The following PCDHA10 variants were observed in gnomAD, a reference collection of about 807,000 sequenced individuals.
PCDHA10 encodes protocadherin alpha-10.
PCDHA10 carries 45 observed loss-of-function variants against 61.2 expected under a neutral mutation model. The ratio of observed to expected loss-of-function variants is 0.74; its 90% CI spans 0.58 to 0.94. PCDHA10 has a LOEUF of 0.94. PCDHA10 is among the 40% of genes least tolerant of loss of function. The probability of loss-of-function intolerance (pLI) is 0.00; values close to 1 mark genes in which losing one functional copy is unlikely to be tolerated. For synonymous variants in PCDHA10, 602 were observed against 548.8 expected, an observed-to-expected ratio of 1.10 and a Z score of -1.35; for missense variants, 1,278 against 1,236.2, an observed-to-expected ratio of 1.03 and a Z score of -0.51.
At chr5:141,009,345 G>C (rs1409011729) in intron 3 of PCDHA10, among the ~76,000 whole-genome samples, 1 of 152,164 alleles carries the variant, frequency 6.6e-6, no homozygotes, top group African/African-American at 2.4e-5. Context: ...TGTAGTTCCA[G>C]CTACTTGGGA....
At chr5:140,993,310 A>G (rs1013688133) in intron 3 of PCDHA10, among the ~76,000 whole-genome samples, 2 of 152,038 alleles carry the variant, frequency 1.3e-5, no homozygotes, top group African/African-American at 4.8e-5. Context: ...CTCCAGGATA[A>G]TACCTTCTAA....
At chr5:140,954,844 C>T (rs1195160424) in intron 1 of PCDHA10, among the ~76,000 whole-genome samples, 1 of 152,070 alleles carries the variant, frequency 6.6e-6, no homozygotes, top group African/African-American at 2.4e-5. Flanking sequence ...GAAATCTTTG[C>T]CTGTGCCTAT....
chr5:140,869,757 A>G, intron 1 of PCDHA10: 3 of 1,613,264 alleles, frequency 1.9e-6, no homozygotes, highest in Non-Finnish European at 2.5e-6. Flanking sequence ...CAGACGGGGG[A>G]AAACCAGAGC....
chr5:140,941,227 C>CTT (rs797022976), intron 1 of PCDHA10, among the ~76,000 whole-genome samples: 1 of 136,000 alleles, frequency 7.4e-6, no homozygotes, highest in African/African-American at 2.8e-5. Context: ...TTCTTTCTTT[C>CTT]TTTCTTTCTT....
At chr5:140,871,209 C>T (rs955703694) in intron 1 of PCDHA10, 19 of 1,613,704 alleles carry the variant, frequency 1.2e-5, no homozygotes, top group East Asian at 4.5e-5. Flanking sequence ...TGATCATCGC[C>T]ATCTGCGTGG....
At chr5:140,870,544 G>A in intron 1 of PCDHA10, 1 of 1,614,124 alleles carries the variant, frequency 6.2e-7, no homozygotes, top group South Asian at 1.1e-5. Context: ...GGCGCGGGAC[G>A]CGGACGCGCA....
chr5:140,872,850 G>A (rs1439631581), intron 1 of PCDHA10, among the ~76,000 whole-genome samples: 2 of 152,084 alleles, frequency 1.3e-5, no homozygotes, highest in East Asian at 3.8e-4. Context: ...ATATATTAAT[G>A]TGAGTACCTA....
At chr5:140,888,613 A>C (rs782529480) in intron 1 of PCDHA10, among the ~76,000 whole-genome samples, 4 of 152,184 alleles carry the variant, frequency 2.6e-5, no homozygotes, top group Non-Finnish European at 5.9e-5. Flanking sequence ...TTAGTGTAGC[A>C]CTAATTCGGC....
intron 1 of PCDHA10, chr5:140,871,254 T>C (rs2052877149): frequency 6.8e-6 from 11 of 1,613,826 alleles, no homozygotes; most frequent in Admixed American, 1.7e-5. Context: ...TGCTGCTGTA[T>C]ACGGCGCTGT....
chr5:140,968,629 T>C, intron 1 of PCDHA10: 1 of 1,614,174 alleles, frequency 6.2e-7, no homozygotes, highest in Non-Finnish European at 8.5e-7. Context: ...CTTGGCTTTT[T>C]TACCATCTAG....
intron 1 of PCDHA10, chr5:140,876,661 C>T: frequency 1.2e-6 from 2 of 1,614,212 alleles, no homozygotes; most frequent in Non-Finnish European, 1.7e-6. Context: ...TCCCTTCAAG[C>T]TGGTGTCCAC....
At chr5:140,893,768 CT>C (rs1171880038) in intron 1 of PCDHA10, among the ~76,000 whole-genome samples, 1 of 152,132 alleles carries the variant, frequency 6.6e-6, no homozygotes, top group Non-Finnish European at 1.5e-5. Flanking sequence ...TGACTTGTCA[CT>C]TTTCTTTTAC....
chr5:140,966,740 C>CGGCT (rs2096047340), intron 1 of PCDHA10: 1 of 1,422,580 alleles, frequency 7.0e-7, no homozygotes, highest in African/African-American at 1.5e-5. Flanking sequence ...CGGCCCTGCC[C>CGGCT]GGCTGCCTCC....
At position 140,923,318 on chromosome 5, in the gene PCDHA10, A is replaced by G. The variant is rs189105018; in HGVS notation, c.2389-55631A>G. Among the ~76,000 whole-genome samples the G allele has an allele frequency of 8.1e-3, 1,226 of 152,276 alleles. 6 individuals are homozygous for G. The highest frequency in any genetic ancestry group is 0.019 in the African/African-American group (794 of 41,558). On this transcript the variant is annotated intron_variant, in intron 1 of 3. Transcript: ENST00000307360. ...CTGGGCGTGGGGGCGCTTGGCCTAG[A>G]AGTTCAAGGACAGTTTGGGCAACAT...
rs60032403 is a variant in PCDHA10 at position 140,941,214 on chromosome 5, C to CCTTT, written c.2389-37696_2389-37693dup. Among the ~76,000 whole-genome samples, 254 of 122,478 alleles carry CCTTT rather than the reference C, an allele frequency of 2.1e-3. 3 individuals carry two copies. The highest frequency in any genetic ancestry group is 3.1e-3 in the Non-Finnish European group (180 of 58,666). 80.4% of individuals were successfully genotyped at this position (122,478 alleles called of 152,430 possible). Reference sequence around the variant, plus strand: ...TTTTTTCTTTCTTCCTTTCTTTCTTCCTTTCTTTCTTTCTTTCTTTCTTTC... The same window carrying CCTTT: ...TTTTTTCTTTCTTCCTTTCTTTCTTCCTTTCTTTCTTTCTTTCTTTCTTTCTTTC... On this transcript the variant is annotated intron_variant, in intron 1 of 3. Coordinates refer to ENST00000307360, the MANE Select transcript of PCDHA10 (RefSeq NM_018901.4).
At chr5:140,870,388 G>A (rs1487402100) in intron 1 of PCDHA10, 5 of 1,614,232 alleles carry the variant, frequency 3.1e-6, no homozygotes, top group Non-Finnish European at 4.2e-6. Context: ...TGCGCGGGAT[G>A]GGGGTTCGCC....
rs369328632 is a variant in PCDHA10, at chr5:140,856,073, G to A, written c.25G>A (p.Gly9Arg). Residue 9 changes from glycine (G) to arginine (R), a missense_variant, in exon 1 of 4, where the codon GGG becomes AGG. By Grantham distance (125) the Gly-to-Arg change is moderately radical. Transcript: ENST00000307360. MVSRCSCL[G>R]VQCLLLSLLL... ...GATGGTTTCCAGATGTAGCTGCCTG[G>A]GGGTCCAGTGTCTGCTGCTCTCGCT... The A allele has an allele frequency of 1.9e-6, 3 of 1,592,028 alleles. 1 individual carries two copies. Among genetic ancestry groups the A allele is most frequent in the Non-Finnish European group, 2.6e-6 (3 of 1,163,816 alleles).
At position 140,871,935 on chromosome 5, in the gene PCDHA10, T is replaced by C. The variant is rs373740331; in HGVS notation, c.2388+13499T>C. The stretch of plus-strand genomic sequence containing the variant: ...GATATTTCCACATTGTTAGATCAAC[T>C]GGCTTTGTTTTTCTAAAGGGAGGAG... On this transcript the variant is annotated intron_variant, in intron 1 of 3. Coordinates refer to ENST00000307360, the MANE Select transcript of PCDHA10 (RefSeq NM_018901.4). Among the ~76,000 whole-genome samples, 4 of 152,380 alleles carry C rather than the reference T, an allele frequency of 2.6e-5. No individual in the cohort carries two copies. The East Asian group carries it at 7.7e-4, about 29-fold the overall frequency.
Position 140,982,836 on chromosome 5 carries a change from T to C in PCDHA10, c.2536+273T>C, listed in dbSNP as rs2097010696. 2.6e-5 allele frequency among the ~76,000 whole-genome samples: 4 copies of C among 152,244 alleles called. No individual in the cohort carries two copies. The South Asian group carries it at 8.3e-4, about 32-fold the overall frequency. ...ATGAAGTTTTTGGGGTTTGTTTGTT[T>C]GTTTAAATCAGGTACCTTTCAAATG... On this transcript the variant is annotated intron_variant, in intron 3 of 3. Coordinates refer to ENST00000307360, the MANE Select transcript of PCDHA10 (RefSeq NM_018901.4).
Sources: gnomAD v4.1 joint callset for allele counts (sites outside exome capture counted in the v4.1 genomes callset) on GRCh38, gnomAD v4.1.1 for gene constraint, MANE v1.5 for transcripts, NCBI Gene and HGNC (gene_info 2026-07-23, HGNC 2026-07-21) for gene names.